Variants in ADCY5 observed in about 807,000 individuals in gnomAD.
The protein encoded by ADCY5 is adenylate cyclase type 5.
ADCY5 carries 30 observed loss-of-function variants against 119.7 expected under a neutral mutation model. The observed-to-expected ratio is 0.25, with a 90% CI of 0.19 to 0.34. The LOEUF (loss-of-function observed/expected upper bound fraction) is 0.34. Ranked by LOEUF, ADCY5 falls within the 10% of genes least tolerant of loss-of-function variation. The pLI is 1.00. For synonymous variants in ADCY5, 753 were observed against 762.2 expected (o/e 0.99, Z 0.20); for missense variants, 1,324 against 1,775.2 (o/e 0.75, Z 4.57).
At chr3:123,372,982 T>C (rs78088978) in intron 1 of ADCY5, among the ~76,000 whole-genome samples, 2,027 of 152,268 alleles carry the variant, frequency 0.013, 34 homozygotes, top group African/African-American at 0.045. Flanking sequence ...GCAGGGATAC[T>C]GCGAGAGGTG....
chr3:123,383,463 G>C (rs560976916), intron 1 of ADCY5, among the ~76,000 whole-genome samples: 5 of 152,328 alleles, frequency 3.3e-5, no homozygotes, highest in African/African-American at 1.2e-4. Flanking sequence ...GGAGGGGTAA[G>C]ATTCTTCTGA....
At chr3:123,438,348 C>T (rs1376178344) in intron 1 of ADCY5, among the ~76,000 whole-genome samples, 1 of 152,196 alleles carries the variant, frequency 6.6e-6, no homozygotes, top group African/African-American at 2.4e-5. Context: ...TTATTTGACA[C>T]ACACCATGTG....
intron 17 of ADCY5, among the ~76,000 whole-genome samples, chr3:123,293,278 T>C (rs1939277797): frequency 6.6e-6 from 1 of 152,162 alleles, no homozygotes; most frequent in South Asian, 2.1e-4. Context: ...TGAAGAATGC[T>C]GAGGAGTCCG....
intron 15 of ADCY5, 32 bp from the exon 16 acceptor site, chr3:123,297,414 G>C: frequency 5.0e-6 from 8 of 1,612,216 alleles, no homozygotes; most frequent in Non-Finnish European, 5.9e-6. Flanking sequence ...ACTGGTCAGG[G>C]CCACCCTTCT....
intron 3 of ADCY5, among the ~76,000 whole-genome samples, chr3:123,343,250 C>T (rs1942371726): frequency 6.6e-6 from 1 of 152,200 alleles, no homozygotes; most frequent in Admixed American, 6.5e-5. Context: ...ATCCATGTCA[C>T]ACTGCCCGCC....
rs148824947 is a variant in ADCY5, at chr3:123,286,767, C to T, written c.3575G>A (p.Arg1192Gln). ...GPVVAGVIGA[R>Q]KPQYDIWGNT... ...GCCCCAGATGTCGTACTGAGGCTTTCGTGCCCCTATCACCCCGGCCACCAC... is the reference window on the plus strand; with the variant it reads ...GCCCCAGATGTCGTACTGAGGCTTTTGTGCCCCTATCACCCCGGCCACCAC... The change falls in exon 20 of 21, where the codon CGA (arginine) becomes CAA (glutamine). Residue 1192 changes from arginine (R) to glutamine (Q), a missense_variant. This residue lies in a region of ADCY5 where 178 missense variants were observed against 329.6 expected (regional missense o/e 0.54). Transcript: ENST00000462833. The surrounding 1 kb of genome is among the most constrained non-coding windows in gnomAD (Gnocchi z 4.2). 1.2e-5 allele frequency: 19 copies of T among 1,613,096 alleles called. No individual in the cohort carries two copies. The highest frequency in any genetic ancestry group is 2.7e-5 in the African/African-American group (2 of 74,860).
At chr3:123,330,499 T>TCA (rs1257232353) in intron 5 of ADCY5, among the ~76,000 whole-genome samples, 2 of 152,166 alleles carry the variant, frequency 1.3e-5, no homozygotes, top group Non-Finnish European at 2.9e-5. Context: ...GCCCAACCTT[T>TCA]CACATCTGGG....
chr3:123,423,189 AC>A (rs1945334994), intron 1 of ADCY5, among the ~76,000 whole-genome samples: 1 of 150,776 alleles, frequency 6.6e-6, no homozygotes, highest in Non-Finnish European at 1.5e-5. Flanking sequence ...CCCATCCCAC[AC>A]TCACATCCGC....
intron 3 of ADCY5, among the ~76,000 whole-genome samples, chr3:123,340,025 C>T (rs1221355138): frequency 6.6e-6 from 1 of 152,190 alleles, no homozygotes; most frequent in African/African-American, 2.4e-5. Flanking sequence ...CACAGTGGCT[C>T]ATGCCTATAA....
At chr3:123,334,819 G>A (rs1291609858) in intron 3 of ADCY5, among the ~76,000 whole-genome samples, 1 of 152,150 alleles carries the variant, frequency 6.6e-6, no homozygotes, top group Admixed American at 6.5e-5. Flanking sequence ...ACAAAGTGAT[G>A]TGATGTCACG....
intron 1 of ADCY5, among the ~76,000 whole-genome samples, chr3:123,425,965 A>C (rs370872726): frequency 2.6e-5 from 4 of 152,326 alleles, no homozygotes; most frequent in East Asian, 3.9e-4. Context: ...AGTCCAGAGA[A>C]ACACAAGCTC....
At chr3:123,294,251 G>A (rs138897131) in intron 17 of ADCY5, among the ~76,000 whole-genome samples, 2 of 152,212 alleles carry the variant, frequency 1.3e-5, no homozygotes, top group African/African-American at 4.8e-5. Context: ...ACTGGGCATT[G>A]CTATCGGGCA....
rs1314764700 is a variant in ADCY5 at position 123,296,212 on chromosome 3, C to T, written c.2935G>A (p.Glu979Lys). The change falls in exon 17 of 21, where the codon GAG becomes AAG. Residue 979 changes from glutamate to lysine, a missense_variant. Around this residue, in one of 6 missense-constraint regions of ADCY5, gnomAD observed 424 missense variants for 546.8 expected, o/e 0.78. Transcript: ENST00000462833. ...TTCAATGCCACCTTGGTTGCATGCT[C>T]AGGGCTGTGGGGAGGTGGTGGACAG... ...FFNNGTSQCPEHATKVALKVV... is the reference protein window; with the variant it reads ...FFNNGTSQCPKHATKVALKVV... The T allele has an allele frequency of 2.5e-6, 4 of 1,613,768 alleles. No homozygotes were observed. Among genetic ancestry groups the T allele is most frequent in the Non-Finnish European group, 2.5e-6 (3 of 1,179,940 alleles).
At chr3:123,354,768 G>T (rs1355551378) in intron 1 of ADCY5, among the ~76,000 whole-genome samples, 1 of 152,030 alleles carries the variant, frequency 6.6e-6, no homozygotes, top group Non-Finnish European at 1.5e-5. Flanking sequence ...TGACCAAATG[G>T]GCTTAATCCC....
chr3:123,318,009 G>A lies in ADCY5; in HGVS notation c.2354+11C>T. The A allele has an allele frequency of 6.2e-7, 1 of 1,610,430 alleles. No homozygotes were observed. The highest frequency in any genetic ancestry group is 8.5e-7 in the Non-Finnish European group (1 of 1,177,168). On this transcript the variant is annotated intron_variant, in intron 11 of 20. Transcript: ENST00000462833. ...CAGAGGAAGGAGCCCAAGAGGGACGGGGATACTCACTGGGGCACGATGGTG... is the reference window on the plus strand; with the variant it reads ...CAGAGGAAGGAGCCCAAGAGGGACGAGGATACTCACTGGGGCACGATGGTG...
At chr3:123,395,827 G>A (rs989393105) in intron 1 of ADCY5, among the ~76,000 whole-genome samples, 1 of 151,174 alleles carries the variant, frequency 6.6e-6, no homozygotes, top group Non-Finnish European at 1.5e-5. Flanking sequence ...AGGTTGCAGT[G>A]AGCCATGATT....
In ADCY5 at chr3:123,448,901, A is replaced by C; in HGVS notation, c.-356T>G. On this transcript the variant is annotated 5_prime_UTR_variant, in exon 1 of 21. Transcript: ENST00000462833. ...GACGAGGGCCGGAGTTGCGGACGAGACGGGACGGAGTGGTGTCCTTGCGGG... is the reference window on the plus strand; with the variant it reads ...GACGAGGGCCGGAGTTGCGGACGAGCCGGGACGGAGTGGTGTCCTTGCGGG... 4.8e-6 allele frequency: 1 copy of C among 209,332 alleles called. No homozygotes were observed. Among genetic ancestry groups the C allele is most frequent in the African/African-American group, 2.3e-5 (1 of 43,668 alleles). 13.0% of individuals were successfully genotyped at this position (209,332 alleles called of 1,614,324 possible). A position where few individuals can be genotyped will look rare whatever the true frequency, so the allele number is the denominator to read the frequency against.
intron 1 of ADCY5, among the ~76,000 whole-genome samples, chr3:123,438,298 TA>T (rs1367721822): frequency 6.6e-6 from 1 of 152,198 alleles, no homozygotes; most frequent in African/African-American, 2.4e-5. Context: ...TTAAAAGCTT[TA>T]ATGCCTAAGA....
Position 123,300,117 on chromosome 3 carries a change from T to C in ADCY5, c.2900+3A>G, listed in dbSNP as rs1165324621. 6.2e-7 allele frequency: 1 copy of C among 1,613,748 alleles called. No homozygotes were observed. The highest frequency in any genetic ancestry group is 1.1e-5 in the South Asian group (1 of 91,072). ...TGGGGAGCGTGAGGGAGGTGCCCCA[T>C]ACATGGCGTTGGCGGTGACCAGCAG... On this transcript the variant is annotated splice_donor_region_variant and intron_variant, in intron 15 of 20. Transcript: ENST00000462833.
Sources: allele counts gnomAD v4.1 joint callset (sites outside exome capture counted in the v4.1 genomes callset), GRCh38; gene constraint gnomAD v4.1.1; regional missense constraint gnomAD v4.1.1; non-coding constraint Gnocchi (gnomAD v3.1); transcripts MANE v1.5; gene names NCBI Gene and HGNC (gene_info 2026-07-23, HGNC 2026-07-21).